LRP1B: variants seen among roughly 807,000 people sequenced by gnomAD.
LRP1B encodes the protein low-density lipoprotein receptor-related protein 1B.
LRP1B carries 217 observed loss-of-function variants against 556.6 expected under a neutral mutation model. The ratio of observed to expected loss-of-function variants is 0.39; its 90% CI spans 0.35 to 0.44. The LOEUF (loss-of-function observed/expected upper bound fraction) is 0.44, where lower values mean the gene tolerates loss of function less well. LRP1B is among the 20% of genes least tolerant of loss of function. The pLI is 1.00. For missense variants in LRP1B, 5,053 were observed against 5,620.8 expected, an observed-to-expected ratio of 0.90 and a Z score of 3.23; for synonymous variants, 2,047 against 1,865.8, an observed-to-expected ratio of 1.10 and a Z score of -2.50.
At chr2:140,533,676 T>C (rs545121337) in intron 47 of LRP1B, among the ~76,000 whole-genome samples, 13 of 152,204 alleles carry the variant, frequency 8.5e-5, no homozygotes, top group African/African-American at 3.1e-4. Flanking sequence ...GAAAATGTGA[T>C]CATGAGTAAA....
chr2:141,553,592 C>G lies in LRP1B; in HGVS notation c.206-73059G>C, dbSNP rs201484124. ...ACCATGTTGATTTTGGAGCAGGTTA[C>G]TATGTTTACCTTTAAAAAACTATCT... is the stretch of plus-strand genomic sequence containing the variant. On this transcript the variant is annotated intron_variant, in intron 2 of 90. Coordinates refer to ENST00000389484, the MANE Select transcript of LRP1B (RefSeq NM_018557.3). 1.3e-4 allele frequency among the ~76,000 whole-genome samples: 19 copies of G among 148,732 alleles called. No homozygotes were observed. In the East Asian group the frequency reaches 3.5e-3, roughly 28 times the overall value.
At chr2:140,613,753 C>T (rs916780385) in intron 41 of LRP1B, among the ~76,000 whole-genome samples, 13 of 152,038 alleles carry the variant, frequency 8.6e-5, no homozygotes, top group Non-Finnish European at 1.5e-4. Context: ...CCCTAGTCCC[C>T]TTTAATGTGC....
chr2:141,662,283 A>C (rs1238547049), intron 2 of LRP1B, among the ~76,000 whole-genome samples: 1 of 152,200 alleles, frequency 6.6e-6, no homozygotes, highest in Non-Finnish European at 1.5e-5. Context: ...CAAGTCTGCA[A>C]AATAACTAGC....
At chr2:140,267,248 T>G (rs769144965) in intron 86 of LRP1B, among the ~76,000 whole-genome samples, 1 of 151,992 alleles carries the variant, frequency 6.6e-6, no homozygotes, top group Admixed American at 6.6e-5. Context: ...AGTAAAGGAA[T>G]TGATGAATAA....
intron 2 of LRP1B, among the ~76,000 whole-genome samples, chr2:141,618,476 T>G (rs1465873317): frequency 6.6e-6 from 1 of 152,206 alleles, no homozygotes; most frequent in Non-Finnish European, 1.5e-5. Context: ...AAACATAGTT[T>G]CTCCCATGTT....
At chr2:142,033,834 C>G (rs1703786209) in intron 1 of LRP1B, among the ~76,000 whole-genome samples, 1 of 151,708 alleles carries the variant, frequency 6.6e-6, no homozygotes, top group African/African-American at 2.4e-5. Context: ...TAATAATTCT[C>G]TTTATTGTGA....
chr2:140,615,839 C>T (rs1683237146), intron 41 of LRP1B, among the ~76,000 whole-genome samples: 1 of 152,096 alleles, frequency 6.6e-6, no homozygotes, highest in East Asian at 1.9e-4. Context: ...TTAGTATTTC[C>T]CCAACTATCT....
At chr2:140,270,605 T>C (rs918255130) in intron 85 of LRP1B, among the ~76,000 whole-genome samples, 1 of 151,944 alleles carries the variant, frequency 6.6e-6, no homozygotes, top group African/African-American at 2.4e-5. Context: ...CAGCTAGATA[T>C]ATGTGTGAAA....
At position 140,701,956 on chromosome 2, in the gene LRP1B, T is replaced by C. The variant is rs542263323; in HGVS notation, c.6303-111A>G. 97 of 1,405,680 alleles carry C rather than the reference T, an allele frequency of 6.9e-5. No homozygotes were observed. The East Asian group carries it at 2.2e-3, about 32-fold the overall frequency. The allele number at this position is 1,405,680 out of a possible 1,614,324, so 87.1% of individuals were successfully genotyped here. On this transcript the variant is annotated intron_variant, in intron 39 of 90. Transcript: ENST00000389484. ...CCAACAGAAGGGAAAGAAACCAACT[T>C]TAGTCTGTGACATTGAAATGCTTCA...
At chr2:140,301,665 G>A (rs1366090627) in intron 83 of LRP1B, among the ~76,000 whole-genome samples, 2 of 151,860 alleles carry the variant, frequency 1.3e-5, no homozygotes, top group African/African-American at 4.8e-5. Context: ...AATGCTCAAT[G>A]TGAATGTATT....
At chr2:140,604,028 C>T (rs1682774493) in intron 41 of LRP1B, among the ~76,000 whole-genome samples, 1 of 151,864 alleles carries the variant, frequency 6.6e-6, no homozygotes, top group Non-Finnish European at 1.5e-5. Flanking sequence ...CAGAATAGGA[C>T]TTTGAATTAC....
chr2:140,640,943 G>A, intron 41 of LRP1B, among the ~76,000 whole-genome samples: 1 of 152,030 alleles, frequency 6.6e-6, no homozygotes, highest in East Asian at 1.9e-4. Context: ...AATTACCATG[G>A]CCACATATTA....
intron 1 of LRP1B, among the ~76,000 whole-genome samples, chr2:142,111,957 C>T (rs76503047): frequency 0.054 from 8,225 of 152,062 alleles, 735 homozygotes; most frequent in African/African-American, 0.19. Context: ...TCAGAGGTCA[C>T]AGTGCTATAT....
rs540247533 is a variant in LRP1B at position 141,467,581 on chromosome 2, C to A, written c.343+12815G>T. Among the ~76,000 whole-genome samples the A allele has an allele frequency of 2.2e-4, 33 of 152,164 alleles. 1 individual carries two copies. The highest frequency in any genetic ancestry group is 6.2e-4 in the South Asian group (3 of 4,824). ...TGAAGGCAGATAGACGAACTGATGA[C>A]CTCTGAAAGTCCCTTCTGGCCCTAT... On this transcript the variant is annotated intron_variant, in intron 3 of 90. Transcript: ENST00000389484.
chr2:140,342,017 C>T lies in LRP1B; in HGVS notation c.11893-6179G>A, dbSNP rs552453945. Among the ~76,000 whole-genome samples, 16 of 151,314 alleles carry T rather than the reference C, an allele frequency of 1.1e-4. No homozygotes were observed. In the South Asian group the frequency reaches 1.2e-3, roughly 12 times the overall value. On this transcript the variant is annotated intron_variant, in intron 77 of 90. Transcript: ENST00000389484. The stretch of plus-strand genomic sequence containing the variant: ...AAATATGGAATCTAAAAAACCACGA[C>T]GAGATCCCATCTCTCACAAGTTAGA...
intron 25 of LRP1B, among the ~76,000 whole-genome samples, chr2:140,874,042 C>T (rs1693225460): frequency 6.6e-6 from 1 of 151,540 alleles, no homozygotes; most frequent in South Asian, 2.1e-4. Flanking sequence ...GTTTAAGAAA[C>T]ACAGATGTTC....
At chr2:141,215,750 A>G (rs1682777676) in intron 6 of LRP1B, among the ~76,000 whole-genome samples, 1 of 152,230 alleles carries the variant, frequency 6.6e-6, no homozygotes, top group Admixed American at 6.5e-5. Context: ...TATCTGGCAG[A>G]AAAAACTTCT....
intron 6 of LRP1B, among the ~76,000 whole-genome samples, chr2:141,213,453 T>C (rs898156725): frequency 1.3e-5 from 2 of 152,120 alleles, no homozygotes; most frequent in Admixed American, 1.3e-4. Context: ...CAAGATGTAC[T>C]CGCACACACC....
intron 2 of LRP1B, among the ~76,000 whole-genome samples, chr2:141,639,467 G>C: frequency 6.8e-6 from 1 of 146,480 alleles, no homozygotes; most frequent in Admixed American, 6.9e-5. Context: ...AGGCTAGAGT[G>C]CAGCAGTGGC....
Sources: allele counts gnomAD v4.1 joint callset (sites outside exome capture counted in the v4.1 genomes callset), GRCh38; gene constraint gnomAD v4.1.1; transcripts MANE v1.5; gene names NCBI Gene and HGNC (gene_info 2026-07-23, HGNC 2026-07-21).